RGPD4: variants seen among roughly 807,000 people sequenced by gnomAD.
The protein encoded by RGPD4 is ranBP2-like and GRIP domain-containing protein 4.
In RGPD4, 84 loss-of-function variants were observed where a neutral mutation model predicts 141.1. The ratio of observed to expected loss-of-function variants is 0.60; its 90% confidence interval spans 0.50 to 0.71. RGPD4 has a LOEUF of 0.71. Among genes scored for constraint, RGPD4 ranks in the 30% least tolerant of loss-of-function variants. The pLI, the probability that RGPD4 is intolerant of heterozygous loss-of-function variation, is 0.00. For synonymous variants in RGPD4, 298 were observed against 566.8 expected (o/e 0.53, Z 6.74); for missense variants, 918 against 1,622.4 (o/e 0.57, Z 7.46).
intron 1 of RGPD4, among the ~76,000 whole-genome samples, chr2:107,827,322 G>T (rs1219216960): frequency 7.4e-6 from 1 of 135,632 alleles, no homozygotes; most frequent in Non-Finnish European, 1.6e-5. Context: ...CGGCGGCCTC[G>T]ACCCGGCCCG....
chr2:107,885,546 T>C (rs1675485967), intron 22 of RGPD4, among the ~76,000 whole-genome samples: 1 of 152,122 alleles, frequency 6.6e-6, no homozygotes, highest in Non-Finnish European at 1.5e-5. Flanking sequence ...AAGAATTTCA[T>C]AGAGGAGATA....
chr2:107,860,860 A>G lies in RGPD4; in HGVS notation c.1853A>G (p.Lys618Arg). 6.2e-7 allele frequency: 1 copy of G among 1,600,888 alleles called. No homozygotes were observed. The highest frequency in any genetic ancestry group is 8.5e-7 in the Non-Finnish European group (1 of 1,175,008). The change falls in exon 13 of 23, where the codon AAA becomes AGA. Residue 618 changes from lysine (K) to arginine (R), a missense_variant. Physicochemically the swap from Lys to Arg is conservative, Grantham distance 26. Coordinates refer to ENST00000408999, the MANE Select transcript of RGPD4 (RefSeq NM_182588.3). ...GTTTTGCCATTGTTGAAGATAATAA[A>G]AAAGAAGAACAGTATTCCTGAACCT... Reference protein sequence around the residue: ...KKVLPLLKIIKKKNSIPEPID... With the variant: ...KKVLPLLKIIRKKNSIPEPID...
At position 107,870,843 on chromosome 2, in the gene RGPD4, T is replaced by C. The variant is rs995525758; in HGVS notation, c.2839T>C (p.Phe947Leu). The change falls in exon 20 of 23, where the codon TTC (phenylalanine) becomes CTC (leucine). Residue 947 changes from phenylalanine (F) to leucine (L), a missense_variant. Transcript: ENST00000408999. ...SEKPLENDTG[F>L]QAQDISGQKN... Reference sequence around the variant, plus strand: ...AAAGCCTCTTGAAAATGATACTGGCTTCCAGGCTCAGGATATTAGTGGCCA... The same window carrying C: ...AAAGCCTCTTGAAAATGATACTGGCCTCCAGGCTCAGGATATTAGTGGCCA... 6.2e-7 allele frequency: 1 copy of C among 1,610,428 alleles called. No individual in the cohort carries two copies. Among genetic ancestry groups the C allele is most frequent in the African/African-American group, 1.3e-5 (1 of 74,282 alleles).
rs766321992 is a variant in RGPD4 at position 107,871,059 on chromosome 2, G to T, written c.3055G>T (p.Gly1019Cys). ...AATGGCCAATAAAGCAAACACTTCCGGTGACTTTGAGAAAGATGATGATGC... is the reference window on the plus strand; with the variant it reads ...AATGGCCAATAAAGCAAACACTTCCTGTGACTTTGAGAAAGATGATGATGC... ...GKMANKANTS[G>C]DFEKDDDAYK... The change falls in exon 20 of 23, where the codon GGT becomes TGT. Residue 1019 changes from glycine (G) to cysteine (C), a missense_variant. By Grantham distance (159) the Gly-to-Cys change is radical (BLOSUM62 -3). Transcript: ENST00000408999. 3 of 1,611,072 alleles carry T rather than the reference G, an allele frequency of 1.9e-6. No homozygotes were observed. Among genetic ancestry groups the T allele is most frequent in the South Asian group, 1.1e-5 (1 of 90,952 alleles).
At chr2:107,857,682 G>A (rs1445461868) in intron 9 of RGPD4, among the ~76,000 whole-genome samples, 54 of 151,744 alleles carry the variant, frequency 3.6e-4, no homozygotes, top group African/African-American at 1.2e-3. Flanking sequence ...TGATCCTCCT[G>A]CCTAAGCCCC....
chr2:107,874,666 C>T (rs199966703), intron 20 of RGPD4, among the ~76,000 whole-genome samples: 41,478 of 149,108 alleles, frequency 0.28, 5,965 homozygotes, highest in Middle Eastern at 0.34. Context: ...GACCTAAGAA[C>T]GAATGTGCCT....
At chr2:107,886,653 T>C (rs1231777355) in intron 22 of RGPD4, among the ~76,000 whole-genome samples, 7 of 152,048 alleles carry the variant, frequency 4.6e-5, no homozygotes, top group South Asian at 2.1e-4. Flanking sequence ...ACTGTCAGTC[T>C]GACTGGTCAC....
chr2:107,869,786 T>C (rs1419248016), intron 18 of RGPD4, 97 bp from the exon 19 acceptor site: 20 of 1,434,984 alleles, frequency 1.4e-5, no homozygotes, highest in South Asian at 3.9e-5. Context: ...CTTTCTTTAA[T>C]TTCTATTGCT....
chr2:107,863,713 G>T (rs1164168763), intron 17 of RGPD4, among the ~76,000 whole-genome samples: 112 of 151,848 alleles, frequency 7.4e-4, no homozygotes, highest in African/African-American at 2.7e-3. Flanking sequence ...GGCTGGTTTT[G>T]AACTTCTGAC....
Position 107,871,268 on chromosome 2 carries a change from C to A in RGPD4, c.3264C>A (p.Leu1088=), listed in dbSNP as rs1397555042. 1 of 1,607,992 alleles carries A rather than the reference C, an allele frequency of 6.2e-7. No homozygotes were observed. Among genetic ancestry groups the A allele is most frequent in the East Asian group, 2.2e-5 (1 of 44,860 alleles). ...KERGLGNLKI[L]KNEVNGKPRM... ...GGGGCTTGGGGAACTTAAAAATTCT[C>A]AAAAACGAGGTCAATGGCAAACCAA... is the stretch of plus-strand genomic sequence containing the variant. Residue 1088 remains leucine (L), a synonymous_variant, in exon 20 of 23, where the codon CTC becomes CTA. Coordinates refer to ENST00000408999, the MANE Select transcript of RGPD4 (RefSeq NM_182588.3).
intron 7 of RGPD4, among the ~76,000 whole-genome samples, chr2:107,852,753 CCT>C (rs1411443102): frequency 9.8e-6 from 1 of 102,292 alleles, no homozygotes; most frequent in African/African-American, 4.3e-5. Flanking sequence ...ACATATATCC[CCT>C]GTCTTTAAAA....
chr2:107,845,790 T>G (rs1384241791), intron 6 of RGPD4, among the ~76,000 whole-genome samples: 1 of 152,060 alleles, frequency 6.6e-6, no homozygotes, highest in Non-Finnish European at 1.5e-5. Flanking sequence ...GGTCTCGATC[T>G]CCTGACCTCG....
chr2:107,891,487 G>GTTTAGTTATTTGCT lies in RGPD4; in HGVS notation c.*758_*759insTAGTTATTTGCTTT, dbSNP rs1205211324. Among the ~76,000 whole-genome samples the GTTTAGTTATTTGCT allele has an allele frequency of 7.4e-5, 8 of 108,480 alleles. No individual in the cohort carries two copies. The highest frequency in any genetic ancestry group is 3.0e-4 in the African/African-American group (7 of 23,054). The allele number at this position is 108,480 out of a possible 152,430, so 71.2% of individuals were successfully genotyped here. A position where few individuals can be genotyped will look rare whatever the true frequency, so the allele number is the denominator to read the frequency against. On this transcript the variant is annotated 3_prime_UTR_variant, in exon 23 of 23. Coordinates refer to ENST00000408999, the MANE Select transcript of RGPD4 (RefSeq NM_182588.3). Reference sequence around the variant, plus strand: ...AATATGCTGCAGTTAATTGTGCTAAGTTAAAATACAGTTTAGTTATTTGCT... The same window carrying GTTTAGTTATTTGCT: ...AATATGCTGCAGTTAATTGTGCTAAGTTTAGTTATTTGCTTTAAAATACAGTTTAGTTATTTGCT...
intron 6 of RGPD4, among the ~76,000 whole-genome samples, chr2:107,844,830 G>GTTTTTTTTTTTT (rs1222283120): frequency 3.8e-4 from 10 of 26,186 alleles, no homozygotes; most frequent in Non-Finnish European, 6.4e-4. Context: ...TTTCTTTTTT[G>GTTTTTTTTTTTT]TTTTTTTTTT....
At position 107,869,864 on chromosome 2, in the gene RGPD4, T is replaced by TTC. The variant is rs1682847164; in HGVS notation, c.2606-18_2606-17insCT. On this transcript the variant is annotated intron_variant, in intron 18 of 22. Transcript: ENST00000408999. Reference sequence around the variant, plus strand: ...TAGACTTTAACAGTGTTTTCTTTCTTTTCTTTTTTTTTTTTTAGTTGCAAC... The same window carrying TTC: ...TAGACTTTAACAGTGTTTTCTTTCTTTCTTCTTTTTTTTTTTTTAGTTGCAAC... 1 of 1,408,906 alleles carries TTC rather than the reference T, an allele frequency of 7.1e-7. No individual in the cohort carries two copies. The highest frequency in any genetic ancestry group is 1.5e-5 in the African/African-American group (1 of 67,656). The allele number at this position is 1,408,906 out of a possible 1,614,324, so 87.3% of individuals were successfully genotyped here. A position where few individuals can be genotyped will look rare whatever the true frequency, so the allele number is the denominator to read the frequency against.
intron 8 of RGPD4, among the ~76,000 whole-genome samples, chr2:107,855,457 G>A (rs1340164533): frequency 1.3e-5 from 2 of 151,592 alleles, no homozygotes; most frequent in African/African-American, 4.9e-5. Context: ...CCCTTGCAGG[G>A]CTCTCATAAG....
chr2:107,829,984 G>T (rs565043296), intron 1 of RGPD4, among the ~76,000 whole-genome samples: 1 of 152,014 alleles, frequency 6.6e-6, no homozygotes, highest in Non-Finnish European at 1.5e-5. Flanking sequence ...CGGCTGCGTC[G>T]AGTGACAAGG....
intron 6 of RGPD4, among the ~76,000 whole-genome samples, chr2:107,845,534 T>C (rs1410100352): frequency 6.6e-6 from 1 of 151,358 alleles, no homozygotes; most frequent in Non-Finnish European, 1.5e-5. Flanking sequence ...CTGAGGAAGA[T>C]AAAAAGCTGG....
rs1458850387 is a variant in RGPD4, at chr2:107,877,095, C to T, written c.4925-2873C>T. On this transcript the variant is annotated intron_variant, in intron 20 of 22. Coordinates refer to ENST00000408999, the MANE Select transcript of RGPD4 (RefSeq NM_182588.3). ...GCCTGGTAAACTTTACAGTTTAGAC[C>T]AGGTGTGGTGTCTCACCCCTGCAAT... Among the ~76,000 whole-genome samples, 4 of 151,792 alleles carry T rather than the reference C, an allele frequency of 2.6e-5. 1 individual carries two copies. Among genetic ancestry groups the T allele is most frequent in the African/African-American group, 9.7e-5 (4 of 41,112 alleles).
Sources: allele counts gnomAD v4.1 joint callset (sites outside exome capture counted in the v4.1 genomes callset), GRCh38; gene constraint gnomAD v4.1.1; transcripts MANE v1.5; gene names NCBI Gene and HGNC (gene_info 2026-07-23, HGNC 2026-07-21).